The following DGKG variants were observed in gnomAD, a reference collection of about 807,000 sequenced individuals.
DGKG encodes DAG kinase gamma.
In DGKG, 78 loss-of-function variants were observed where a neutral mutation model predicts 105.3. The observed-to-expected ratio is 0.74, with a 90% CI of 0.62 to 0.89. The LOEUF is 0.89. Among genes scored for constraint, DGKG ranks in the 40% least tolerant of loss-of-function variants. The pLI is 0.00. For missense variants in DGKG, 958 were observed against 1,020.1 expected (o/e 0.94, Z 0.83); for synonymous variants, 346 against 367.1 (o/e 0.94, Z 0.66).
chr3:186,166,673 G>A (rs974024089), intron 22 of DGKG, among the ~76,000 whole-genome samples: 1 of 151,958 alleles, frequency 6.6e-6, no homozygotes, highest in Non-Finnish European at 1.5e-5. Flanking sequence ...CAGAGAGAAG[G>A]AGGAGGGAGA....
intron 23 of DGKG, among the ~76,000 whole-genome samples, chr3:186,164,376 T>C (rs1716435474): frequency 6.6e-6 from 1 of 152,240 alleles, no homozygotes; most frequent in Non-Finnish European, 1.5e-5. Flanking sequence ...GTGGCTAACC[T>C]GTGTGGTCCA....
intron 5 of DGKG, among the ~76,000 whole-genome samples, chr3:186,297,068 TCACACA>T (rs55826465): frequency 4.6e-5 from 6 of 130,506 alleles, no homozygotes; most frequent in East Asian, 2.3e-4. Flanking sequence ...TCTGTCTCTC[TCACACA>T]CACACACACA....
chr3:186,256,303 C>T (rs1352317365), intron 17 of DGKG, among the ~76,000 whole-genome samples: 2 of 152,202 alleles, frequency 1.3e-5, no homozygotes, highest in African/African-American at 4.8e-5. Flanking sequence ...TACTTACAGC[C>T]CCCGGAGGCA....
intron 5 of DGKG, among the ~76,000 whole-genome samples, chr3:186,294,126 A>G (rs1723435984): frequency 6.6e-6 from 1 of 152,128 alleles, no homozygotes; most frequent in African/African-American, 2.4e-5. Flanking sequence ...TAGTCCCAGA[A>G]TGATACAACT....
chr3:186,265,569 A>G (rs1001563962), intron 13 of DGKG, among the ~76,000 whole-genome samples: 2 of 152,038 alleles, frequency 1.3e-5, no homozygotes, highest in South Asian at 2.1e-4. Context: ...GGGAGCACTG[A>G]AAGTGGCAGA....
chr3:186,272,493 T>A, intron 10 of DGKG, 150 bp from the exon 11 acceptor site: 1 of 642,838 alleles, frequency 1.6e-6, no homozygotes. Flanking sequence ...CTAACGGAAA[T>A]TCAAAACAGT....
At chr3:186,317,208 A>G (rs1185136529) in intron 2 of DGKG, among the ~76,000 whole-genome samples, 1 of 151,982 alleles carries the variant, frequency 6.6e-6, no homozygotes, top group Non-Finnish European at 1.5e-5. Context: ...TTTTCCACCT[A>G]CTTGCCTTTC....
Position 186,206,969 on chromosome 3 carries a change from G to C in DGKG, c.1917+4826C>G, listed in dbSNP as rs564139234. ...TTACCATGTTGGCCAGGCTGGTCTC[G>C]AACTCCTGACCTCAGGTGATCTGCT... On this transcript the variant is annotated intron_variant, in intron 21 of 24. Transcript: ENST00000265022. Among the ~76,000 whole-genome samples the C allele has an allele frequency of 2.0e-5, 3 of 151,988 alleles. No homozygotes were observed. The South Asian group carries it at 6.2e-4, about 32-fold the overall frequency.
chr3:186,217,680 T>A (rs1719362694), intron 20 of DGKG, among the ~76,000 whole-genome samples: 1 of 152,208 alleles, frequency 6.6e-6, no homozygotes, highest in East Asian at 1.9e-4. Context: ...ATAGCCTGTT[T>A]TCAAGGATGT....
At chr3:186,280,871 T>C in intron 7 of DGKG, 127 bp from the exon 8 acceptor site, 1 of 701,046 alleles carries the variant, frequency 1.4e-6, no homozygotes, top group Admixed American at 2.5e-5. Flanking sequence ...GCTGGTGCAG[T>C]AACTGCCATT....
At chr3:186,355,574 C>A (rs1468122539) in intron 1 of DGKG, among the ~76,000 whole-genome samples, 1 of 151,320 alleles carries the variant, frequency 6.6e-6, no homozygotes, top group Non-Finnish European at 1.5e-5. Flanking sequence ...CCACCATTAC[C>A]CCCACCACCA....
At chr3:186,246,972 T>C (rs2108557621) in intron 19 of DGKG, among the ~76,000 whole-genome samples, 1 of 152,306 alleles carries the variant, frequency 6.6e-6, no homozygotes, top group Non-Finnish European at 1.5e-5. Flanking sequence ...GAGTTACACA[T>C]ACCTTGGGAA....
At chr3:186,253,066 G>C in intron 18 of DGKG, 27 bp downstream of exon 18, 1 of 1,604,372 alleles carries the variant, frequency 6.2e-7, no homozygotes, top group Non-Finnish European at 8.5e-7. Context: ...CTGTTCCCAG[G>C]GTACCACCAT....
chr3:186,284,081 G>A lies in DGKG; in HGVS notation c.594+579C>T, dbSNP rs538718474. On this transcript the variant is annotated intron_variant, in intron 7 of 24. Transcript: ENST00000265022. This position sits in a 1 kb window ranked among gnomAD's most constrained non-coding sequence, Gnocchi z 4.0. ...CTGAAGGGGTGAGGGTGAGTCTCAGGCTTTCTCAGGTGCAATGGGATGGGA... is the reference window on the plus strand; with the variant it reads ...CTGAAGGGGTGAGGGTGAGTCTCAGACTTTCTCAGGTGCAATGGGATGGGA... 6.6e-6 allele frequency among the ~76,000 whole-genome samples: 1 copy of A among 152,262 alleles called. No individual in the cohort carries two copies. The highest frequency in any genetic ancestry group is 2.1e-4 in the South Asian group (1 of 4,830).
At chr3:186,297,315 T>A in intron 5 of DGKG, 106 bp downstream of exon 5, 1 of 859,974 alleles carries the variant, frequency 1.2e-6, no homozygotes, top group Non-Finnish European at 2.0e-6. Context: ...CTGCATAAGA[T>A]TGCACAATTA....
intron 17 of DGKG, among the ~76,000 whole-genome samples, chr3:186,256,249 G>C (rs1013796461): frequency 8.5e-5 from 13 of 152,220 alleles, no homozygotes; most frequent in Admixed American, 8.5e-4. Flanking sequence ...AGTGGCGGGC[G>C]GCAGGTGTAC....
intron 3 of DGKG, among the ~76,000 whole-genome samples, chr3:186,306,518 G>A (rs1286751032): frequency 1.3e-5 from 2 of 152,116 alleles, no homozygotes; most frequent in Non-Finnish European, 2.9e-5. Context: ...GTAGATAGGA[G>A]CATGGAGAGG....
rs1362753842 is a variant in DGKG, at chr3:186,265,305, T to G, written c.1211A>C (p.Asp404Ala). 20 of 1,613,956 alleles carry G rather than the reference T, an allele frequency of 1.2e-5. No individual in the cohort carries two copies. The highest frequency in any genetic ancestry group is 1.6e-4 in the Middle Eastern group (1 of 6,082). Residue 404 changes from aspartate (D) to alanine (A), a missense_variant and splice_region_variant, in exon 14 of 25, where the codon GAC (aspartate) becomes GCC (alanine). Physicochemically the swap from Asp to Ala is moderately radical, Grantham distance 126. Around this residue, in one of 2 missense-constraint regions of DGKG, gnomAD observed 643 missense variants for 619.5 expected, o/e 1.04. Transcript: ENST00000265022. ...LPTSICPITR[D>A]RPGEKSDGCV... ...GCCATCAGACTTCTCACCTGGCCTG[T>G]CCTGTGACAAGAAAGGAAAGACAAG... is the stretch of plus-strand genomic sequence containing the variant.
chr3:186,309,586 T>TC (rs1724417651), intron 2 of DGKG, among the ~76,000 whole-genome samples: 2 of 152,164 alleles, frequency 1.3e-5, no homozygotes, highest in Non-Finnish European at 2.9e-5. Context: ...TAGAATCTAT[T>TC]TTAATGGGAG....
Sources: gnomAD v4.1 joint callset for allele counts (sites outside exome capture counted in the v4.1 genomes callset) on GRCh38, gnomAD v4.1.1 for gene constraint, gnomAD v4.1.1 regional missense constraint, Gnocchi (gnomAD v3.1) non-coding constraint, MANE v1.5 for transcripts, NCBI Gene and HGNC (gene_info 2026-07-23, HGNC 2026-07-21) for gene names.